Variants in ZNF773 observed in about 807,000 individuals in gnomAD.
ZNF773 encodes zinc finger protein 773, also known as zinc finger protein 419B.
A neutral mutation model predicts 12.8 loss-of-function variants in ZNF773; 11 were observed. That is an observed-to-expected ratio of 0.86 (90% confidence interval 0.54 to 1.42). The LOEUF is 1.42. Among genes scored for constraint, ZNF773 ranks in the 40% most tolerant of loss-of-function variants. ZNF773 has a pLI of 0.00. For missense variants in ZNF773, 518 were observed against 527.2 expected (o/e 0.98, Z 0.17); for synonymous variants, 175 against 178.4 (o/e 0.98, Z 0.15).
chr19:57,507,851 T>G lies in ZNF773; in HGVS notation c.*427T>G. 1 of 309,632 alleles carries G rather than the reference T, an allele frequency of 3.2e-6. No homozygotes were observed. Among genetic ancestry groups the G allele is most frequent in the Non-Finnish European group, 4.8e-6 (1 of 206,374 alleles). The allele number at this position is 309,632 out of a possible 1,614,324, so 19.2% of individuals were successfully genotyped here. On this transcript the variant is annotated 3_prime_UTR_variant, in exon 4 of 4. Transcript: ENST00000282292. ...TACTGGGCATGGTGGTGGGCGCCTGTAGTCCCAGCTACTCAGGAGGCTGAG... is the reference window on the plus strand; with the variant it reads ...TACTGGGCATGGTGGTGGGCGCCTGGAGTCCCAGCTACTCAGGAGGCTGAG...
chr19:57,512,065 C>T (rs1318457584), downstream of ZNF773, among the ~76,000 whole-genome samples: 1 of 152,160 alleles, frequency 6.6e-6, no homozygotes, highest in Non-Finnish European at 1.5e-5. Context: ...TGGTAATTTT[C>T]TCTATCATGA....
chr19:57,505,654 G>T (rs1246149030), intron 3 of ZNF773, among the ~76,000 whole-genome samples: 1 of 151,882 alleles, frequency 6.6e-6, no homozygotes, highest in East Asian at 1.9e-4. Context: ...TGAATGTGTG[G>T]TGAGGTGGGG....
chr19:57,511,075 G>A (rs1018451452), downstream of ZNF773, among the ~76,000 whole-genome samples: 2 of 122,556 alleles, frequency 1.6e-5, no homozygotes, highest in Admixed American at 8.0e-5. Flanking sequence ...TTTTTGAGAC[G>A]GAGTTTCGCT....
intron 1 of ZNF773, among the ~76,000 whole-genome samples, 194 bp downstream of exon 1, chr19:57,500,307 C>A (rs999000061): frequency 6.6e-6 from 1 of 152,000 alleles, no homozygotes; most frequent in Non-Finnish European, 1.5e-5. Flanking sequence ...GAGTCCCGAA[C>A]CTGAGGCCTC....
At chr19:57,501,115 G>A (rs544591056) in intron 1 of ZNF773, among the ~76,000 whole-genome samples, 1 of 152,278 alleles carries the variant, frequency 6.6e-6, no homozygotes, top group East Asian at 1.9e-4. Context: ...CAGCCAGGCT[G>A]GTGGAGCAGC....
At chr19:57,508,271 C>G, downstream of ZNF773, 2 of 1,210,092 alleles carry the variant, frequency 1.7e-6, no homozygotes, top group South Asian at 7.4e-5. Flanking sequence ...ATAGATTGTT[C>G]CTCCTGAGAA....
In ZNF773 at chr19:57,507,971, T is replaced by TAA. The variant is rs1316682346; in HGVS notation, c.*566_*567dup. 2.4e-4 allele frequency: 27 copies of TAA among 111,748 alleles called. No homozygotes were observed. Among genetic ancestry groups the TAA allele is most frequent in the Non-Finnish European group, 3.4e-4 (20 of 58,076 alleles). The allele number at this position is 111,748 out of a possible 1,614,324, so 6.9% of individuals were successfully genotyped here. ...CTGGGTGACAGAGTGAGACTCTGTCTAAAAAAAAAAAAAAAAAAAATTAGC... is the reference window on the plus strand; with the variant it reads ...CTGGGTGACAGAGTGAGACTCTGTCTAAAAAAAAAAAAAAAAAAAAAATTAGC... On this transcript the variant is annotated 3_prime_UTR_variant, in exon 4 of 4. Coordinates refer to ENST00000282292, the MANE Select transcript of ZNF773 (RefSeq NM_198542.3).
At position 57,504,706 on chromosome 19, in the gene ZNF773, A is replaced by C; in HGVS notation, c.83A>C (p.Glu28Ala). Residue 28 changes from glutamate (E) to alanine (A), a missense_variant, in exon 2 of 4, where the codon GAA becomes GCA. Coordinates refer to ENST00000282292, the MANE Select transcript of ZNF773 (RefSeq NM_198542.3). ...EDVAVYFSQEEWRLLDDAQRL... is the reference protein window; with the variant it reads ...EDVAVYFSQEAWRLLDDAQRL... ...GTGGCTGTCTACTTCTCCCAGGAGG[A>C]ATGGAGATTGCTTGATGACGCTCAG... 1 of 1,613,884 alleles carries C rather than the reference A, an allele frequency of 6.2e-7. No individual in the cohort carries two copies. Among genetic ancestry groups the C allele is most frequent in the South Asian group, 1.1e-5 (1 of 91,054 alleles).
Position 57,507,484 on chromosome 19 carries a change from T to C in ZNF773, c.*60T>C, listed in dbSNP as rs1014685718. 52 of 1,528,564 alleles carry C rather than the reference T, an allele frequency of 3.4e-5. No individual in the cohort carries two copies. Among genetic ancestry groups the C allele is most frequent in the Non-Finnish European group, 4.1e-5 (47 of 1,144,232 alleles). The allele number at this position is 1,528,564 out of a possible 1,614,324, so 94.7% of individuals were successfully genotyped here. A position where few individuals can be genotyped will look rare whatever the true frequency, so the allele number is the denominator to read the frequency against. On this transcript the variant is annotated 3_prime_UTR_variant, in exon 4 of 4. Coordinates refer to ENST00000282292, the MANE Select transcript of ZNF773 (RefSeq NM_198542.3). Reference sequence around the variant, plus strand: ...ATTCAACACCAGAAAGTTCACAGTGTAAAAAAGTCTTGAAGGTTACTAATG... The same window carrying C: ...ATTCAACACCAGAAAGTTCACAGTGCAAAAAAGTCTTGAAGGTTACTAATG...
intron 1 of ZNF773, among the ~76,000 whole-genome samples, chr19:57,502,884 G>A (rs1441810915): frequency 6.6e-6 from 1 of 151,960 alleles, no homozygotes; most frequent in Non-Finnish European, 1.5e-5. Context: ...GTAGAGATGG[G>A]GTTTCACCGT....
chr19:57,504,998 G>T (rs2089713010), intron 2 of ZNF773: 6 of 870,248 alleles, frequency 6.9e-6, no homozygotes, highest in South Asian at 2.8e-5. Flanking sequence ...GGGTTTGGGG[G>T]TCAGGAGTCT....
chr19:57,515,726 A>C (rs571991439), downstream of ZNF773: 1 of 152,166 alleles, frequency 6.6e-6, no homozygotes, highest in Non-Finnish European at 1.5e-5. Flanking sequence ...ATGGGCAATC[A>C]CTCATAAAAC....
chr19:57,501,225 A>G (rs1384807390), intron 1 of ZNF773, among the ~76,000 whole-genome samples: 1 of 151,770 alleles, frequency 6.6e-6, no homozygotes, highest in African/African-American at 2.4e-5. Context: ...TCAGGGGAGT[A>G]TATAGCAGGC....
At position 57,507,084 on chromosome 19, in the gene ZNF773, C is replaced by A; in HGVS notation, c.989C>A (p.Pro330His). Reference sequence around the variant, plus strand: ...CAGAGAGTTCACACTGGAGAAAGACCTTATAAGTGCAGTGAATGTGGAAAA... The same window carrying A: ...CAGAGAGTTCACACTGGAGAAAGACATTATAAGTGCAGTGAATGTGGAAAA... ...KHQRVHTGERPYKCSECGKFY... is the reference protein window; with the variant it reads ...KHQRVHTGERHYKCSECGKFY... Residue 330 changes from proline (P) to histidine (H), a missense_variant, in exon 4 of 4, where the codon CCT (proline) becomes CAT (histidine). Transcript: ENST00000282292. The A allele has an allele frequency of 6.2e-7, 1 of 1,614,068 alleles. No homozygotes were observed.
Position 57,507,646 on chromosome 19 carries a change from C to T in ZNF773, c.*222C>T. The T allele has an allele frequency of 1.5e-6, 2 of 1,358,094 alleles. No homozygotes were observed. The highest frequency in any genetic ancestry group is 1.9e-6 in the Non-Finnish European group (2 of 1,063,454). The allele number at this position is 1,358,094 out of a possible 1,614,324, so 84.1% of individuals were successfully genotyped here. ...CCAGAAAGTTTAGACTGGAGAAAGG[C>T]CTTAGACTGTCGCTGAATCAATATG... On this transcript the variant is annotated 3_prime_UTR_variant, in exon 4 of 4. Transcript: ENST00000282292.
downstream of ZNF773, chr19:57,516,239 G>C (rs2089831440): frequency 6.4e-6 from 1 of 155,770 alleles, no homozygotes; most frequent in Admixed American, 6.5e-5. Flanking sequence ...CCATAAAATG[G>C]GGACAGCTCA....
In ZNF773 at chr19:57,503,548, A is replaced by G. The variant is rs796413333; in HGVS notation, c.34-1109A>G. On this transcript the variant is annotated intron_variant, in intron 1 of 3. Transcript: ENST00000282292. ...TTATTCATCCAACTGTGGGATCACAAGGCTTTTGTTTTTACCTGGACCTGG... is the reference window on the plus strand; with the variant it reads ...TTATTCATCCAACTGTGGGATCACAGGGCTTTTGTTTTTACCTGGACCTGG... Among the ~76,000 whole-genome samples the G allele has an allele frequency of 1.1e-4, 16 of 152,236 alleles. 1 individual carries two copies. The highest frequency in any genetic ancestry group is 3.6e-4 in the African/African-American group (15 of 41,536).
At chr19:57,510,004 C>T (rs2089782504), downstream of ZNF773, among the ~76,000 whole-genome samples, 1 of 152,166 alleles carries the variant, frequency 6.6e-6, no homozygotes, top group Non-Finnish European at 1.5e-5. Flanking sequence ...AGACCAATAA[C>T]CACATGAATA....
rs746005859 is a variant in ZNF773, at chr19:57,507,375, G to C, written c.1280G>C (p.Ser427Thr). Residue 427 changes from serine to threonine, a missense_variant, in exon 4 of 4, where the codon AGC (serine) becomes ACC (threonine). By Grantham distance (58) the Ser-to-Thr change is moderately conservative (BLOSUM62 1). Transcript: ENST00000282292. The part of the protein sequence containing the change: ...CRECGKFFRH[S>T]SSLVKHRRIH... ...GAATGTGGGAAATTTTTTCGCCACA[G>C]CTCCAGTCTTGTTAAACATCGAAGG... 2.5e-6 allele frequency: 4 copies of C among 1,611,016 alleles called. No homozygotes were observed. The Admixed American group carries it at 6.7e-5, about 27-fold the overall frequency.
Sources: allele counts gnomAD v4.1 joint callset (sites outside exome capture counted in the v4.1 genomes callset), GRCh38; gene constraint gnomAD v4.1.1; transcripts MANE v1.5; gene names NCBI Gene and HGNC (gene_info 2026-07-23, HGNC 2026-07-21).